PLXNC1: variants seen among roughly 807,000 people sequenced by gnomAD.
The protein encoded by PLXNC1 is plexin C1, also known as plexin-C1.
A neutral mutation model predicts 178.2 loss-of-function variants in PLXNC1; 75 were observed. That is an observed-to-expected ratio of 0.42 (90% confidence interval 0.35 to 0.51). The LOEUF is 0.51. Among genes scored for constraint, PLXNC1 ranks in the 20% least tolerant of loss-of-function variants. The probability of loss-of-function intolerance (pLI) is 0.02; values close to 1 mark genes in which losing one functional copy is unlikely to be tolerated. For missense variants in PLXNC1, 1,503 were observed against 1,984.4 expected (o/e 0.76, Z 4.61); for synonymous variants, 790 against 779.9 (o/e 1.01, Z -0.22).
intron 21 of PLXNC1, among the ~76,000 whole-genome samples, chr12:94,274,838 C>T (rs1183529119): frequency 6.6e-6 from 1 of 152,204 alleles, no homozygotes; most frequent in Non-Finnish European, 1.5e-5. Flanking sequence ...AGTTTCTCAT[C>T]TGCCACAAGG....
At chr12:94,234,227 A>G (rs1431353626) in intron 9 of PLXNC1, among the ~76,000 whole-genome samples, 4 of 152,138 alleles carry the variant, frequency 2.6e-5, no homozygotes, top group Non-Finnish European at 5.9e-5. Context: ...CTTTTCAATC[A>G]TAGCAGTATT....
chr12:94,229,763 C>T (rs1964040879), intron 9 of PLXNC1, among the ~76,000 whole-genome samples: 3 of 152,166 alleles, frequency 2.0e-5, no homozygotes, highest in Admixed American at 1.3e-4. Flanking sequence ...CTATGCCTGT[C>T]TTTATGGCAG....
At chr12:94,269,349 T>C (rs185656553) in intron 21 of PLXNC1, among the ~76,000 whole-genome samples, 5 of 152,320 alleles carry the variant, frequency 3.3e-5, no homozygotes, top group Non-Finnish European at 2.9e-5. Flanking sequence ...GAAATATTAA[T>C]GCCTCCAATT....
intron 4 of PLXNC1, among the ~76,000 whole-genome samples, chr12:94,194,770 G>A (rs139445377): frequency 3.9e-5 from 6 of 152,190 alleles, no homozygotes; most frequent in African/African-American, 1.4e-4. Context: ...AATAGTAATA[G>A]TACCTGCCTC....
intron 4 of PLXNC1, among the ~76,000 whole-genome samples, chr12:94,199,642 A>C (rs1330949415): frequency 6.6e-6 from 1 of 152,058 alleles, no homozygotes; most frequent in Admixed American, 6.6e-5. Flanking sequence ...CAGCTGTGAG[A>C]GGAGCTATGA....
intron 20 of PLXNC1, among the ~76,000 whole-genome samples, chr12:94,264,026 C>A (rs142349385): frequency 4.0e-4 from 61 of 152,280 alleles, no homozygotes; most frequent in African/African-American, 1.4e-3. Context: ...TGACTCTTAA[C>A]TGGCGCTTCG....
At chr12:94,169,010 G>T in intron 1 of PLXNC1, 143 bp from the exon 2 acceptor site, 1 of 719,852 alleles carries the variant, frequency 1.4e-6, no homozygotes. Flanking sequence ...TTGCTCCCGG[G>T]GAATCTAGTC....
intron 9 of PLXNC1, among the ~76,000 whole-genome samples, chr12:94,233,085 T>TG (rs1344902657): frequency 6.6e-6 from 1 of 151,966 alleles, no homozygotes; most frequent in Non-Finnish European, 1.5e-5. Flanking sequence ...ACATGTAGGG[T>TG]GGGAGCAAGA....
At chr12:94,269,962 A>G (rs1043454999) in intron 21 of PLXNC1, among the ~76,000 whole-genome samples, 59 of 152,236 alleles carry the variant, frequency 3.9e-4, no homozygotes, top group African/African-American at 1.3e-3. Flanking sequence ...TCCTCTTCAT[A>G]CACTTTCTTC....
At chr12:94,291,885 C>T (rs1351032972) in intron 23 of PLXNC1, among the ~76,000 whole-genome samples, 1 of 152,180 alleles carries the variant, frequency 6.6e-6, no homozygotes, top group African/African-American at 2.4e-5. Context: ...CCAACAGGAA[C>T]TTTTTCAGCC....
chr12:94,297,269 A>G (rs533461792), intron 25 of PLXNC1, 47 bp from the exon 26 acceptor site: 2 of 1,613,204 alleles, frequency 1.2e-6, no homozygotes, highest in East Asian at 4.5e-5. Flanking sequence ...TGCCTTCTGT[A>G]GCAAGAGTGG....
chr12:94,298,658 A>G lies in PLXNC1; in HGVS notation c.4101A>G (p.Lys1367=). ...TKVAIHSVLE[K]LFRSIWSLPN... is the part of the protein sequence containing the mutation. ...TGGCAATTCATTCTGTGCTTGAAAA[A>G]CTTTTTAGAAGCATTTGGAGTTTAC... Residue 1367 remains lysine, a synonymous_variant, in exon 27 of 31, where the codon AAA becomes AAG. Transcript: ENST00000258526. The G allele has an allele frequency of 6.2e-7, 1 of 1,601,106 alleles. No homozygotes were observed. Among genetic ancestry groups the G allele is most frequent in the Non-Finnish European group, 8.5e-7 (1 of 1,176,430 alleles).
At chr12:94,277,655 GCCT>G (rs1966075036) in intron 21 of PLXNC1, 1 of 313,192 alleles carries the variant, frequency 3.2e-6, no homozygotes, top group South Asian at 2.6e-5. Context: ...ATTGCTGGCA[GCCT>G]CCTCCTTATT....
Position 94,260,833 on chromosome 12 carries a change from T to C in PLXNC1, c.3443T>C (p.Phe1148Ser). ...TGGATGTCCGTCTGCCTTTCTGGAT[T>C]TCTCCGGGTAAGTGTCACATCCCTC... ...TNWMSVCLSG[F>S]LRETVGEPFY... is the part of the protein sequence containing the mutation. Residue 1148 changes from phenylalanine to serine, a missense_variant, in exon 20 of 31, where the codon TTT becomes TCT. Coordinates refer to ENST00000258526, the MANE Select transcript of PLXNC1 (RefSeq NM_005761.3). This position sits in a 1 kb window ranked among gnomAD's most constrained non-coding sequence, Gnocchi z 4.4. 1 of 1,614,114 alleles carries C rather than the reference T, an allele frequency of 6.2e-7. No individual in the cohort carries two copies. The highest frequency in any genetic ancestry group is 2.2e-5 in the East Asian group (1 of 44,880).
intron 24 of PLXNC1, among the ~76,000 whole-genome samples, chr12:94,294,912 A>C (rs3803070): frequency 0.21 from 32,223 of 152,188 alleles, 3,981 homozygotes; most frequent in Admixed American, 0.28. Flanking sequence ...CAGAGCCCCG[A>C]AGCAAGCGCT....
intron 20 of PLXNC1, among the ~76,000 whole-genome samples, chr12:94,264,665 A>G (rs983536258): frequency 1.3e-5 from 2 of 152,210 alleles, no homozygotes; most frequent in African/African-American, 4.8e-5. Context: ...ATACTTGTGC[A>G]TTTTTTTAAA....
In PLXNC1 at chr12:94,226,668, C is replaced by A; in HGVS notation, c.1854C>A (p.Pro618=). The change falls in exon 8 of 31, where the codon CCC becomes CCA. Residue 618 remains proline (P), a synonymous_variant. Coordinates refer to ENST00000258526, the MANE Select transcript of PLXNC1 (RefSeq NM_005761.3). ...AAAGTGCAAGAAGGTGTATCCACCCCTTCACAGCTTGCGACCCTTCTGATT... is the reference window on the plus strand; with the variant it reads ...AAAGTGCAAGAAGGTGTATCCACCCATTCACAGCTTGCGACCCTTCTGATT... ...WCKSARRCIH[P]FTACDPSDYE... is the part of the protein sequence containing the mutation. The A allele has an allele frequency of 6.2e-7, 1 of 1,613,718 alleles. No individual in the cohort carries two copies. The highest frequency in any genetic ancestry group is 2.2e-5 in the East Asian group (1 of 44,880).
rs902322150 is a variant in PLXNC1 at position 94,224,684 on chromosome 12, G to A, written c.1790+369G>A. The stretch of plus-strand genomic sequence containing the variant: ...TTTAGGAGGCTGAGGTGGGCAGATC[G>A]CTTGAGCCCAGGAGAGTTTGAGACC... On this transcript the variant is annotated intron_variant, in intron 7 of 30. Transcript: ENST00000258526. Among the ~76,000 whole-genome samples, 47 of 152,168 alleles carry A rather than the reference G, an allele frequency of 3.1e-4. 1 individual carries two copies. Among genetic ancestry groups the A allele is most frequent in the Admixed American group, 2.0e-3 (30 of 15,288 alleles).
At chr12:94,285,849 T>C (rs1160770172) in intron 23 of PLXNC1, among the ~76,000 whole-genome samples, 2 of 152,160 alleles carry the variant, frequency 1.3e-5, no homozygotes, top group East Asian at 3.9e-4. Context: ...TCTGGTGCTG[T>C]TGACTGGAGT....
Sources: gnomAD v4.1 joint callset for allele counts (sites outside exome capture counted in the v4.1 genomes callset) on GRCh38, gnomAD v4.1.1 for gene constraint, Gnocchi (gnomAD v3.1) non-coding constraint, MANE v1.5 for transcripts, NCBI Gene and HGNC (gene_info 2026-07-23, HGNC 2026-07-21) for gene names.